The following KBTBD4 variants were observed in gnomAD, a reference collection of about 807,000 sequenced individuals.
KBTBD4 encodes the protein kelch repeat and BTB domain containing 4, also known as kelch repeat and BTB domain-containing protein 4.
KBTBD4 carries 30 observed loss-of-function variants against 43.9 expected under a neutral mutation model. The ratio of observed to expected loss-of-function variants is 0.68; its 90% CI spans 0.51 to 0.93. The LOEUF (loss-of-function observed/expected upper bound fraction) is 0.93. Ranked by LOEUF, KBTBD4 falls within the 40% of genes least tolerant of loss-of-function variation. KBTBD4 has a pLI of 0.00. For synonymous variants in KBTBD4, 258 were observed against 256.9 expected, an observed-to-expected ratio of 1.00 and a Z score of -0.04; for missense variants, 575 against 668.8, an observed-to-expected ratio of 0.86 and a Z score of 1.55.
chr11:47,576,189 T>TG (rs1329627712), intron 2 of KBTBD4, among the ~76,000 whole-genome samples: 4 of 102,480 alleles, frequency 3.9e-5, no homozygotes, highest in Non-Finnish European at 5.6e-5. Context: ...TTTTTTGAGA[T>TG]GGAGTCTTGC....
chr11:47,578,862 A>G, intron 1 of KBTBD4, 71 bp downstream of exon 1: 1 of 1,547,044 alleles, frequency 6.5e-7, no homozygotes, highest in Non-Finnish European at 8.7e-7. Flanking sequence ...CCTTCTCTCT[A>G]GGCTCTGCCA....
rs755198870 is a variant in KBTBD4, at chr11:47,577,885, GAC to G, written c.161_162del (p.Cys54SerfsTer8). 2.5e-6 allele frequency: 4 copies of G among 1,614,156 alleles called. No individual in the cohort carries two copies. The highest frequency in any genetic ancestry group is 2.2e-5 in the South Asian group (2 of 91,078). ...ACATCAGCAAAGAGCTCCTCCTCTA[GAC>G]ACAGTTTCATGATGCCTTGAGCCAC... ...GRVAQGIMKL[C>X]LEEELFADVT... is the part of the protein sequence containing the mutation. On this transcript the variant is annotated frameshift_variant, in exon 2 of 4. Transcript: ENST00000430070. LOFTEE classifies it high-confidence loss of function.
rs770492766 is a variant in KBTBD4, at chr11:47,573,572, G to A, written c.963C>T (p.Thr321=). The change falls in exon 4 of 4, where the codon ACC becomes ACT. Residue 321 remains threonine, a synonymous_variant. Transcript: ENST00000430070. The surrounding 1 kb of genome is among the most constrained non-coding windows in gnomAD (Gnocchi z 4.1). The part of the protein sequence containing the change: ...PRRMWKCNNA[T]VDWEWCAPLP... ...AAGGAGCACACCACTCCCAGTCAAC[G>A]GTGGCATTGTTGCACTTCCACATGC... 7 of 1,614,170 alleles carry A rather than the reference G, an allele frequency of 4.3e-6. No individual in the cohort carries two copies. The highest frequency in any genetic ancestry group is 2.2e-5 in the East Asian group (1 of 44,878).
rs201260729 is a variant in KBTBD4 at position 47,577,966 on chromosome 11, C to T, written c.82G>A (p.Asp28Asn). ...ESPEEPGASM[D>N]ENYFVNYTFK... ...GTGTAGTTCACAAAGTAGTTCTCAT[C>T]CATGGATGCTCCAGGCTCCTCTGGT... Residue 28 changes from aspartate (D) to asparagine (N), a missense_variant, in exon 2 of 4, where the codon GAT becomes AAT. Physicochemically the swap from Asp to Asn is conservative, Grantham distance 23. Coordinates refer to ENST00000430070, the MANE Select transcript of KBTBD4 (RefSeq NM_018095.6). 1.2e-6 allele frequency: 2 copies of T among 1,614,208 alleles called. No homozygotes were observed. Among genetic ancestry groups the T allele is most frequent in the East Asian group, 2.2e-5 (1 of 44,888 alleles).
At position 47,577,419 on chromosome 11, in the gene KBTBD4, A is replaced by T. The variant is rs149725159; in HGVS notation, c.629T>A (p.Ile210Asn). Reference sequence around the variant, plus strand: ...CCCCTCCCTAAACTTACCCGAGATGATATCTGTGAGTAAGCGGTGGGGCAA... The same window carrying T: ...CCCCTCCCTAAACTTACCCGAGATGTTATCTGTGAGTAAGCGGTGGGGCAA... ...LHLPHRLLTD[I>N]ISDGVPCSQN... Residue 210 changes from isoleucine (I) to asparagine (N), a missense_variant, in exon 2 of 4, where the codon ATC becomes AAC. By Grantham distance (149) the Ile-to-Asn change is moderately radical (BLOSUM62 -3). Coordinates refer to ENST00000430070, the MANE Select transcript of KBTBD4 (RefSeq NM_018095.6). 6.2e-7 allele frequency: 1 copy of T among 1,602,596 alleles called. No individual in the cohort carries two copies. Among genetic ancestry groups the T allele is most frequent in the Non-Finnish European group, 8.5e-7 (1 of 1,170,924 alleles).
At chr11:47,578,839 T>G in intron 1 of KBTBD4, 94 bp downstream of exon 1, 1 of 1,547,358 alleles carries the variant, frequency 6.5e-7, no homozygotes, top group South Asian at 1.2e-5. Context: ...CGCCTGGTTC[T>G]TCAGCGTCCT....
rs749941524 is a variant in KBTBD4 at position 47,573,146 on chromosome 11, C to T, written c.1389G>A (p.Leu463=). 4.3e-6 allele frequency: 7 copies of T among 1,614,062 alleles called. No individual in the cohort carries two copies. The Admixed American group carries it at 8.3e-5, about 19-fold the overall frequency. ...EGDSLVCYNP[L]LDSFTRLCLP... ...GGCAAAGCCGGGTGAAGCTGTCTAG[C>T]AAGGGATTGTAGCACACCAGGGAGT... The change falls in exon 4 of 4, where the codon TTG becomes TTA. Residue 463 remains leucine (L), a synonymous_variant. Coordinates refer to ENST00000430070, the MANE Select transcript of KBTBD4 (RefSeq NM_018095.6). The surrounding 1 kb of genome is among the most constrained non-coding windows in gnomAD (Gnocchi z 4.1).
chr11:47,573,909 C>G lies in KBTBD4; in HGVS notation c.745-119G>C. The G allele has an allele frequency of 1.1e-6, 1 of 915,322 alleles. No individual in the cohort carries two copies. The highest frequency in any genetic ancestry group is 2.5e-5 in the East Asian group (1 of 40,010). 56.7% of individuals were successfully genotyped at this position (915,322 alleles called of 1,614,324 possible). ...GTTCCTAGCTTTATCATACTACTCT[C>G]TAATTACTGTATGGCATCCAACTCT... is the stretch of plus-strand genomic sequence containing the variant. On this transcript the variant is annotated intron_variant, in intron 3 of 3. Transcript: ENST00000430070. The surrounding 1 kb of genome is among the most constrained non-coding windows in gnomAD (Gnocchi z 4.1).
Position 47,572,598 on chromosome 11 carries a change from G to A in KBTBD4, c.*332C>T, listed in dbSNP as rs913296649. On this transcript the variant is annotated 3_prime_UTR_variant, in exon 4 of 4. Transcript: ENST00000430070. Reference sequence around the variant, plus strand: ...CATCTTTCCTTATGTCCTGGGATCAGGGGTGCTTACATTTAACATTGATCA... The same window carrying A: ...CATCTTTCCTTATGTCCTGGGATCAAGGGTGCTTACATTTAACATTGATCA... 8.7e-5 allele frequency: 26 copies of A among 299,480 alleles called. No individual in the cohort carries two copies. The highest frequency in any genetic ancestry group is 5.1e-4 in the African/African-American group (24 of 46,896). The allele number at this position is 299,480 out of a possible 1,614,324, so 18.6% of individuals were successfully genotyped here. A position where few individuals can be genotyped will look rare whatever the true frequency, so the allele number is the denominator to read the frequency against.
chr11:47,578,197 T>C (rs888569356), intron 1 of KBTBD4, 169 bp from the exon 2 acceptor site: 12 of 679,510 alleles, frequency 1.8e-5, no homozygotes, highest in Non-Finnish European at 2.9e-5. Flanking sequence ...TTTAACCAAA[T>C]CTGGGTTCGT....
intron 3 of KBTBD4, among the ~76,000 whole-genome samples, chr11:47,574,636 C>T (rs967474404): frequency 1.3e-5 from 2 of 150,946 alleles, no homozygotes; most frequent in African/African-American, 4.9e-5. Flanking sequence ...GGGTGGATCA[C>T]CTGAGGTCAG....
Position 47,573,417 on chromosome 11 carries a change from A to C in KBTBD4, c.1118T>G (p.Val373Gly). Residue 373 changes from valine to glycine, a missense_variant, in exon 4 of 4, where the codon GTG becomes GGG. By Grantham distance (109) the Val-to-Gly change is moderately radical (BLOSUM62 -3). Coordinates refer to ENST00000430070, the MANE Select transcript of KBTBD4 (RefSeq NM_018095.6). The surrounding 1 kb of genome is among the most constrained non-coding windows in gnomAD (Gnocchi z 4.1). ...CTCTAGCTGAGTTGTCTCTGTCCAC[A>C]CATTATCACCTACGCGATAATAAAT... ...AVIYYRVGDNVWTETTQLEVA... is the reference protein window; with the variant it reads ...AVIYYRVGDNGWTETTQLEVA... 1 of 1,614,198 alleles carries C rather than the reference A, an allele frequency of 6.2e-7. No homozygotes were observed. The highest frequency in any genetic ancestry group is 8.5e-7 in the Non-Finnish European group (1 of 1,180,024).
rs764781121 is a variant in KBTBD4 at position 47,577,509 on chromosome 11, G to A, written c.539C>T (p.Thr180Met). Residue 180 changes from threonine to methionine, a missense_variant, in exon 2 of 4, where the codon ACG becomes ATG. Transcript: ENST00000430070. ...ADRHSDPELYTAAKHCAKTHL... is the reference protein window; with the variant it reads ...ADRHSDPELYMAAKHCAKTHL... Reference sequence around the variant, plus strand: ...GGTCTTGGCACAGTGCTTGGCAGCCGTATAGAGCTCAGGATCACTGTGCCG... The same window carrying A: ...GGTCTTGGCACAGTGCTTGGCAGCCATATAGAGCTCAGGATCACTGTGCCG... 4.3e-6 allele frequency: 7 copies of A among 1,614,014 alleles called. No individual in the cohort carries two copies. Among genetic ancestry groups the A allele is most frequent in the Admixed American group, 3.3e-5 (2 of 59,980 alleles).
intron 3 of KBTBD4, among the ~76,000 whole-genome samples, chr11:47,574,090 G>A (rs2097254949): frequency 6.6e-6 from 1 of 152,152 alleles, no homozygotes; most frequent in African/African-American, 2.4e-5. Flanking sequence ...AACTTTGAAA[G>A]CTCATAGATT....
intron 1 of KBTBD4, chr11:47,578,421 C>G (rs576399268): frequency 4.6e-5 from 26 of 568,138 alleles, no homozygotes; most frequent in Non-Finnish European, 7.4e-5. Context: ...AGCTCAGGGG[C>G]AGTAGAATCA....
In KBTBD4 at chr11:47,573,457, G is replaced by A. The variant is rs2097253454; in HGVS notation, c.1078C>T (p.Leu360Phe). ...CGATAATAAATGACTGCGTTGGAGA[G>A]GGTATCTTGCAGTGTCTTGCCACCC... ...SLGGKTLQDT[L>F]SNAVIYYRVG... Residue 360 changes from leucine (L) to phenylalanine (F), a missense_variant, in exon 4 of 4, where the codon CTC becomes TTC. Leu to Phe is a conservative substitution (Grantham distance 22). Coordinates refer to ENST00000430070, the MANE Select transcript of KBTBD4 (RefSeq NM_018095.6). This position sits in a 1 kb window ranked among gnomAD's most constrained non-coding sequence, Gnocchi z 4.1. 2 of 1,614,098 alleles carry A rather than the reference G, an allele frequency of 1.2e-6. No individual in the cohort carries two copies. The highest frequency in any genetic ancestry group is 1.7e-5 in the Admixed American group (1 of 60,002).
intron 2 of KBTBD4, among the ~76,000 whole-genome samples, chr11:47,576,291 C>T (rs916164345): frequency 1.3e-5 from 2 of 149,742 alleles, no homozygotes; most frequent in African/African-American, 2.5e-5. Context: ...CTCAGCCTCC[C>T]GAGTAGCTGG....
chr11:47,578,715 A>T (rs1404032338), intron 1 of KBTBD4: 3 of 1,363,106 alleles, frequency 2.2e-6, no homozygotes, highest in Non-Finnish European at 3.0e-6. Context: ...GTCGCCAGGG[A>T]AACCGTTCTT....
chr11:47,577,321 A>G, intron 2 of KBTBD4, 90 bp downstream of exon 2: 2 of 1,272,252 alleles, frequency 1.6e-6, no homozygotes, highest in Non-Finnish European at 2.2e-6. Context: ...AACACCAGGA[A>G]GCTTGAGGGT....
Sources: gnomAD v4.1 joint callset for allele counts (sites outside exome capture counted in the v4.1 genomes callset) on GRCh38, gnomAD v4.1.1 for gene constraint, Gnocchi (gnomAD v3.1) non-coding constraint, MANE v1.5 for transcripts, NCBI Gene and HGNC (gene_info 2026-07-23, HGNC 2026-07-21) for gene names.